Variants in ANO4 observed in about 807,000 individuals in gnomAD.
ANO4 encodes anoctamin-4.
A neutral mutation model predicts 141.9 loss-of-function variants in ANO4; 69 were observed. That is an observed-to-expected ratio of 0.49 (90% CI 0.40 to 0.59). The LOEUF is 0.59. Among genes scored for constraint, ANO4 ranks in the 20% least tolerant of loss-of-function variants. The probability of loss-of-function intolerance (pLI) is 0.00; values close to 1 mark genes in which losing one functional copy is unlikely to be tolerated. For synonymous variants in ANO4, 350 were observed against 394.3 expected, an observed-to-expected ratio of 0.89 and a Z score of 1.33; for missense variants, 894 against 1,162.2, an observed-to-expected ratio of 0.77 and a Z score of 3.36.
chr12:101,046,987 C>A (rs942252851), intron 13 of ANO4, among the ~76,000 whole-genome samples: 1 of 152,212 alleles, frequency 6.6e-6, no homozygotes, highest in Non-Finnish European at 1.5e-5. Context: ...CGGTGGCTCA[C>A]GCCTGTAATC....
intron 1 of ANO4, among the ~76,000 whole-genome samples, chr12:100,900,568 C>T (rs191572480): frequency 2.0e-5 from 3 of 151,458 alleles, no homozygotes; most frequent in African/African-American, 7.3e-5. Flanking sequence ...TTTTTCTGTC[C>T]GTCAATGATA....
chr12:100,903,958 T>C (rs2040719289), intron 2 of ANO4, among the ~76,000 whole-genome samples: 1 of 152,220 alleles, frequency 6.6e-6, no homozygotes, highest in African/African-American at 2.4e-5. Flanking sequence ...TATGTGATGC[T>C]GTTTCATGCC....
chr12:100,957,431 C>T (rs1375632557), intron 5 of ANO4, among the ~76,000 whole-genome samples: 4 of 152,192 alleles, frequency 2.6e-5, no homozygotes, highest in East Asian at 3.9e-4. Context: ...CCTCTCCACA[C>T]TACCACACTG....
At chr12:100,846,135 G>A (rs2037544855) in intron 1 of ANO4, among the ~76,000 whole-genome samples, 1 of 152,192 alleles carries the variant, frequency 6.6e-6, no homozygotes, top group Non-Finnish European at 1.5e-5. Flanking sequence ...AACTAGCAAG[G>A]CGTCTAGCAC....
At chr12:100,862,594 T>G (rs2135895183) in intron 1 of ANO4, among the ~76,000 whole-genome samples, 1 of 147,182 alleles carries the variant, frequency 6.8e-6, no homozygotes, top group African/African-American at 2.7e-5. Context: ...AGTGCTGGGA[T>G]TACAGGCGTG....
intron 2 of ANO4, among the ~76,000 whole-genome samples, chr12:100,919,702 G>GTGTGTGTA (rs1555250834): frequency 7.5e-6 from 1 of 133,822 alleles, no homozygotes; most frequent in Non-Finnish European, 1.6e-5. Context: ...GTGTGTGTGT[G>GTGTGTGTA]TGTATGTATG....
intron 1 of ANO4, among the ~76,000 whole-genome samples, chr12:100,806,214 G>C (rs1034088365): frequency 2.0e-5 from 3 of 152,098 alleles, no homozygotes; most frequent in African/African-American, 7.2e-5. Context: ...TGGTTCACAG[G>C]GTATGTGAGT....
At chr12:100,931,364 A>G (rs560140306) in intron 3 of ANO4, among the ~76,000 whole-genome samples, 2 of 152,304 alleles carry the variant, frequency 1.3e-5, no homozygotes, top group East Asian at 3.9e-4. Context: ...TGAAATGGCA[A>G]CAAGATAATT....
chr12:101,125,010 T>C (rs1325146832), intron 26 of ANO4, among the ~76,000 whole-genome samples: 5 of 152,222 alleles, frequency 3.3e-5, no homozygotes, highest in African/African-American at 1.2e-4. Flanking sequence ...CTGTGAAGAG[T>C]GTCAATGGTA....
chr12:101,108,032 T>G (rs2050516950), intron 22 of ANO4, among the ~76,000 whole-genome samples: 1 of 152,154 alleles, frequency 6.6e-6, no homozygotes, highest in African/African-American at 2.4e-5. Flanking sequence ...CATAAAAGGA[T>G]AAATACGTTC....
chr12:100,800,437 A>G (rs1446002402), intron 1 of ANO4, among the ~76,000 whole-genome samples: 1 of 152,224 alleles, frequency 6.6e-6, no homozygotes, highest in Non-Finnish European at 1.5e-5. Flanking sequence ...ACAATTTCTC[A>G]AAGAATCTGG....
chr12:100,887,038 G>A (rs1407132524), intron 1 of ANO4, among the ~76,000 whole-genome samples: 2 of 152,170 alleles, frequency 1.3e-5, no homozygotes, highest in East Asian at 1.9e-4. Context: ...TAGATTGCCT[G>A]TAAAAAAATT....
At chr12:100,964,325 AT>A (rs2043554028) in intron 5 of ANO4, among the ~76,000 whole-genome samples, 1 of 152,150 alleles carries the variant, frequency 6.6e-6, no homozygotes, top group Non-Finnish European at 1.5e-5. Context: ...TTTGCAATAA[AT>A]TAGAATAATA....
At chr12:100,834,633 T>G (rs1379331573) in intron 1 of ANO4, among the ~76,000 whole-genome samples, 1 of 152,100 alleles carries the variant, frequency 6.6e-6, no homozygotes, top group Non-Finnish European at 1.5e-5. Flanking sequence ...GAGCTTGTAT[T>G]TTGGTGGCAA....
chr12:100,727,870 T>A (rs1244379214), intron 1 of ANO4, among the ~76,000 whole-genome samples: 1 of 152,120 alleles, frequency 6.6e-6, no homozygotes, highest in Non-Finnish European at 1.5e-5. Flanking sequence ...TGTAGTCTAT[T>A]TCTGCTGTTT....
intron 2 of ANO4, among the ~76,000 whole-genome samples, chr12:100,739,043 T>TTA (rs3058367): frequency 0.63 from 92,280 of 146,688 alleles, 29,351 homozygotes; most frequent in East Asian, 0.81. Flanking sequence ...CTCTAAATCT[T>TTA]TATATATATA....
chr12:100,794,966 G>A lies in ANO4; in HGVS notation c.-202G>A, dbSNP rs76904423. ...GGTTCACAGTGGATTTCTTTCTGCC[G>A]AAGACACCAAGGCACTGAGGAAGGA... On this transcript the variant is annotated 5_prime_UTR_variant, in exon 1 of 28. Transcript: ENST00000392977. 1,660 of 152,748 alleles carry A rather than the reference G, an allele frequency of 0.011. 19 individuals are homozygous for A. The highest frequency in any genetic ancestry group is 0.015 in the Non-Finnish European group (1,000 of 68,080). 9.5% of individuals were successfully genotyped at this position (152,748 alleles called of 1,614,324 possible).
At chr12:100,760,907 T>G (rs2032830944) in intron 3 of ANO4, among the ~76,000 whole-genome samples, 1 of 152,134 alleles carries the variant, frequency 6.6e-6, no homozygotes, top group Admixed American at 6.5e-5. Context: ...TGGAACATGG[T>G]CCTTTCTGGG....
At chr12:100,892,109 G>A (rs2040135060) in intron 1 of ANO4, among the ~76,000 whole-genome samples, 1 of 152,138 alleles carries the variant, frequency 6.6e-6, no homozygotes, top group Non-Finnish European at 1.5e-5. Flanking sequence ...TGAATAGAAT[G>A]TCTTTGAATA....
Sources: gnomAD v4.1 joint callset for allele counts (sites outside exome capture counted in the v4.1 genomes callset) on GRCh38, gnomAD v4.1.1 for gene constraint, MANE v1.5 for transcripts, NCBI Gene and HGNC (gene_info 2026-07-23, HGNC 2026-07-21) for gene names.